Variants in FLI1 observed in about 807,000 individuals in gnomAD.
FLI1 encodes Friend leukemia integration 1 transcription factor.
A neutral mutation model predicts 53.1 loss-of-function variants in FLI1; 13 were observed. The ratio of observed to expected loss-of-function variants is 0.24; its 90% CI spans 0.16 to 0.39. The LOEUF (loss-of-function observed/expected upper bound fraction) is 0.39, where lower values mean the gene tolerates loss of function less well. Ranked by LOEUF, FLI1 falls within the 10% of genes least tolerant of loss-of-function variation. FLI1 has a pLI of 1.00. For synonymous variants in FLI1, 244 were observed against 236.7 expected (o/e 1.03, Z -0.28); for missense variants, 424 against 600.5 (o/e 0.71, Z 3.07).
intron 1 of FLI1, 34 bp downstream of exon 1, chr11:128,694,310 G>A: frequency 7.5e-7 from 1 of 1,328,562 alleles, no homozygotes; most frequent in Non-Finnish European, 9.7e-7. Context: ...GGGCGGCGGG[G>A]ACCGGCCGGG....
In FLI1 at chr11:128,782,918, A is replaced by G. The variant is rs562044582; in HGVS notation, c.655+895A>G. The stretch of plus-strand genomic sequence containing the variant: ...TTTCAGGCATTGAAACAAGTGAATA[A>G]TTCATAGTACCTGGTTTAAAGGAGG... On this transcript the variant is annotated intron_variant, in intron 5 of 8. Transcript: ENST00000527786. Among the ~76,000 whole-genome samples, 10 of 152,346 alleles carry G rather than the reference A, an allele frequency of 6.6e-5. 1 individual carries two copies. The highest frequency in any genetic ancestry group is 2.4e-4 in the African/African-American group (10 of 41,578).
At chr11:128,787,046 T>A (rs1440469045) in intron 5 of FLI1, among the ~76,000 whole-genome samples, 1 of 152,158 alleles carries the variant, frequency 6.6e-6, no homozygotes, top group Non-Finnish European at 1.5e-5. Context: ...GCTTGCATGC[T>A]AAGTATGGAA....
upstream of FLI1, among the ~76,000 whole-genome samples, chr11:128,685,670 C>T (rs867959718): frequency 1.6e-4 from 23 of 141,338 alleles, 1 homozygote; most frequent in Non-Finnish European, 2.7e-4. Context: ...TATACCTTGT[C>T]CCTGCACTAG....
chr11:128,769,143 C>T (rs962154186), intron 3 of FLI1, among the ~76,000 whole-genome samples: 1 of 152,124 alleles, frequency 6.6e-6, no homozygotes, highest in Non-Finnish European at 1.5e-5. Context: ...TGCTGTTGGT[C>T]CCAGAAAATA....
rs201490498 is a variant in FLI1 at position 128,714,219 on chromosome 11, A to C, written c.18+19943A>C. On this transcript the variant is annotated intron_variant, in intron 1 of 8. Coordinates refer to ENST00000527786, the MANE Select transcript of FLI1 (RefSeq NM_002017.5). ...TTCACTGGCCAGAAAAAAAAAAAAA[A>C]AAAAAAACGGCAACTCTTTGGCAAA... 3.3e-5 allele frequency among the ~76,000 whole-genome samples: 5 copies of C among 152,024 alleles called. No homozygotes were observed. The East Asian group carries it at 7.7e-4, about 23-fold the overall frequency.
At chr11:128,715,082 GAGA>G (rs1421491850) in intron 1 of FLI1, among the ~76,000 whole-genome samples, 4 of 152,124 alleles carry the variant, frequency 2.6e-5, no homozygotes, top group African/African-American at 4.8e-5. Flanking sequence ...CGCACCCAGT[GAGA>G]AGAACCAAGA....
chr11:128,757,091 TC>T (rs372111216), intron 1 of FLI1, among the ~76,000 whole-genome samples: 34 of 149,126 alleles, frequency 2.3e-4, no homozygotes, highest in African/African-American at 8.6e-4. Context: ...TTTCTTTCTT[TC>T]TTTCTTTCTT....
At chr11:128,689,272 C>G (rs1835365554), upstream of FLI1, among the ~76,000 whole-genome samples, 1 of 152,156 alleles carries the variant, frequency 6.6e-6, no homozygotes, top group Admixed American at 6.5e-5. Flanking sequence ...TAACCCTGAC[C>G]CGCACCTGCA....
chr11:128,699,480 A>T (rs1385072779), intron 1 of FLI1, among the ~76,000 whole-genome samples: 1 of 152,208 alleles, frequency 6.6e-6, no homozygotes, highest in South Asian at 2.1e-4. Context: ...ACACACACCT[A>T]CACACACAAT....
intron 1 of FLI1, among the ~76,000 whole-genome samples, chr11:128,705,891 G>A (rs930783627): frequency 7.2e-5 from 11 of 152,134 alleles, no homozygotes; most frequent in Admixed American, 3.3e-4. Flanking sequence ...AGGGCCAAGC[G>A]CCTGCCTTTG....
At chr11:128,730,193 T>G (rs551218334) in intron 1 of FLI1, among the ~76,000 whole-genome samples, 1 of 152,342 alleles carries the variant, frequency 6.6e-6, no homozygotes, top group African/African-American at 2.4e-5. Context: ...ATTTGTTAAG[T>G]GTGTACTGTG....
intron 5 of FLI1, among the ~76,000 whole-genome samples, chr11:128,789,146 A>G (rs778158813): frequency 6.6e-6 from 1 of 152,162 alleles, no homozygotes; most frequent in African/African-American, 2.4e-5. Context: ...GCACCAAGGA[A>G]ACCAGCGTGT....
At chr11:128,799,729 G>A (rs1347956539) in intron 5 of FLI1, among the ~76,000 whole-genome samples, 1 of 152,216 alleles carries the variant, frequency 6.6e-6, no homozygotes, top group African/African-American at 2.4e-5. Flanking sequence ...GACTGCAGCA[G>A]ATGAGAAGCT....
chr11:128,703,155 AG>A (rs1407026326), intron 1 of FLI1, among the ~76,000 whole-genome samples: 1 of 152,256 alleles, frequency 6.6e-6, no homozygotes, highest in Non-Finnish European at 1.5e-5. Context: ...ATGACCTAGG[AG>A]GACAGCAGAG....
chr11:128,740,451 T>C (rs1341613096), intron 1 of FLI1, among the ~76,000 whole-genome samples: 1 of 152,242 alleles, frequency 6.6e-6, no homozygotes, highest in Non-Finnish European at 1.5e-5. Flanking sequence ...CGAGACCCCA[T>C]AAATATGGTC....
At chr11:128,795,396 A>T (rs1415056997) in intron 5 of FLI1, among the ~76,000 whole-genome samples, 1 of 152,108 alleles carries the variant, frequency 6.6e-6, no homozygotes, top group East Asian at 1.9e-4. Flanking sequence ...ATATTCAGTA[A>T]ATACCATTGA....
At chr11:128,807,800 G>C (rs76879410) in intron 7 of FLI1, among the ~76,000 whole-genome samples, 2,121 of 152,152 alleles carry the variant, frequency 0.014, 41 homozygotes, top group African/African-American at 0.048. Context: ...TTCTAGCTGG[G>C]CTCAGTTCCA....
At chr11:128,685,167 G>GC (rs1565446298), upstream of FLI1, among the ~76,000 whole-genome samples, 2 of 152,344 alleles carry the variant, frequency 1.3e-5, no homozygotes, top group South Asian at 4.1e-4. Context: ...GGCTCCTGCA[G>GC]CCCCCCAGGA....
At chr11:128,807,289 G>A in intron 7 of FLI1, 50 bp downstream of exon 7, 1 of 1,318,208 alleles carries the variant, frequency 7.6e-7, no homozygotes, top group Non-Finnish European at 1.1e-6. Context: ...CACAGTTGTT[G>A]ATTTCACATG....
Sources: allele counts gnomAD v4.1 joint callset (sites outside exome capture counted in the v4.1 genomes callset), GRCh38; gene constraint gnomAD v4.1.1; transcripts MANE v1.5; gene names NCBI Gene and HGNC (gene_info 2026-07-23, HGNC 2026-07-21).